SPRYD4: variants seen among roughly 807,000 people sequenced by gnomAD.
SPRYD4 encodes SPRY domain containing 4.
A neutral mutation model predicts 16.6 loss-of-function variants in SPRYD4; 12 were observed. That is an observed-to-expected ratio of 0.72 (90% CI 0.46 to 1.17). The LOEUF is 1.17. SPRYD4 is among the 50% of genes most tolerant of loss of function. SPRYD4 has a pLI of 0.00. For synonymous variants in SPRYD4, 98 were observed against 105.4 expected (o/e 0.93, Z 0.43); for missense variants, 260 against 260.2 (o/e 1.00, Z 0.00).
chr12:56,479,247 C>T lies in SPRYD4; in HGVS notation c.*9670C>T, dbSNP rs527551042. The T allele has an allele frequency of 1.3e-4, 210 of 1,576,500 alleles. 1 individual carries two copies. In the African/African-American group the frequency reaches 2.4e-3, roughly 18 times the overall value. ...GCAGCTGGGACTCACTCTGGAGCCA[C>T]GGAAATTGGGAATAAAGAAGGTTGA... On this transcript the variant is annotated 3_prime_UTR_variant, in exon 2 of 2. Coordinates refer to ENST00000338146, the MANE Select transcript of SPRYD4 (RefSeq NM_207344.4).
In SPRYD4 at chr12:56,476,508, A is replaced by AT. The variant is rs1171599742; in HGVS notation, c.*6934dup. The AT allele has an allele frequency of 6.5e-6, 1 of 153,954 alleles. No individual in the cohort carries two copies. Among genetic ancestry groups the AT allele is most frequent in the Non-Finnish European group, 1.4e-5 (1 of 70,250 alleles). The allele number at this position is 153,954 out of a possible 1,614,324, so 9.5% of individuals were successfully genotyped here. A position where few individuals can be genotyped will look rare whatever the true frequency, so the allele number is the denominator to read the frequency against. ...ATGGTTCATGCCTGTAATCTCAGCA[A>AT]TTTGGGGGGCTGAGGCAGGAGGATC... On this transcript the variant is annotated 3_prime_UTR_variant, in exon 2 of 2. Transcript: ENST00000338146.
Position 56,478,683 on chromosome 12 carries a change from C to A in SPRYD4, c.*9106C>A. 1 of 257,052 alleles carries A rather than the reference C, an allele frequency of 3.9e-6. No individual in the cohort carries two copies. Among genetic ancestry groups the A allele is most frequent in the Non-Finnish European group, 7.6e-6 (1 of 132,260 alleles). The allele number at this position is 257,052 out of a possible 1,614,324, so 15.9% of individuals were successfully genotyped here. The stretch of plus-strand genomic sequence containing the variant: ...ATCTCTCATTCATAGGACTCCCAGC[C>A]CCAGGAAATCTCTGAGAAGCGAGGT... On this transcript the variant is annotated 3_prime_UTR_variant, in exon 2 of 2. Transcript: ENST00000338146.
Position 56,474,502 on chromosome 12 carries a change from C to T in SPRYD4, c.*4925C>T, listed in dbSNP as rs1366801092. ...GAGAGTCAGTGTTCTCTCTTCTTAG[C>T]ACTGGGCTCATGACAGATGGATAGC... On this transcript the variant is annotated 3_prime_UTR_variant, in exon 2 of 2. Coordinates refer to ENST00000338146, the MANE Select transcript of SPRYD4 (RefSeq NM_207344.4). 2 of 1,609,398 alleles carry T rather than the reference C, an allele frequency of 1.2e-6. No homozygotes were observed. Among genetic ancestry groups the T allele is most frequent in the Non-Finnish European group, 1.7e-6 (2 of 1,178,414 alleles).
chr12:56,469,287 G>A lies in SPRYD4; in HGVS notation c.334G>A (p.Asp112Asn). ...IGVADVDMSR[D>N]SCIGVDDRSW... ...AGTGGCAGATGTGGACATGTCCCGG[G>A]ATAGCTGCATTGGTGTTGATGATCG... is the stretch of plus-strand genomic sequence containing the variant. The change falls in exon 2 of 2, where the codon GAT becomes AAT. Residue 112 changes from aspartate to asparagine, a missense_variant. Transcript: ENST00000338146. 1 of 1,614,196 alleles carries A rather than the reference G, an allele frequency of 6.2e-7. No individual in the cohort carries two copies.
rs542102708 is a variant in SPRYD4, at chr12:56,476,310, A to G, written c.*6733A>G. The G allele has an allele frequency of 7.9e-5, 24 of 305,312 alleles. No individual in the cohort carries two copies. Among genetic ancestry groups the G allele is most frequent in the African/African-American group, 5.1e-4 (23 of 45,362 alleles). The allele number at this position is 305,312 out of a possible 1,614,324, so 18.9% of individuals were successfully genotyped here. On this transcript the variant is annotated 3_prime_UTR_variant, in exon 2 of 2. Coordinates refer to ENST00000338146, the MANE Select transcript of SPRYD4 (RefSeq NM_207344.4). ...CCAAGTAGCTCGGATTACAGGCATG[A>G]GCCAGCTTGCTGGGCCATCCCACTT...
In SPRYD4 at chr12:56,473,123, T is replaced by C; in HGVS notation, c.*3546T>C. On this transcript the variant is annotated 3_prime_UTR_variant, in exon 2 of 2. Transcript: ENST00000338146. ...CCAGGATGGTCTTGATCTCCTGACC[T>C]TGTGATCCGCCCGCCTTGGCCTCTC... is the stretch of plus-strand genomic sequence containing the variant. 1 of 1,021,086 alleles carries C rather than the reference T, an allele frequency of 9.8e-7. No individual in the cohort carries two copies. The highest frequency in any genetic ancestry group is 1.5e-6 in the Non-Finnish European group (1 of 671,046). 63.3% of individuals were successfully genotyped at this position (1,021,086 alleles called of 1,614,324 possible). A position where few individuals can be genotyped will look rare whatever the true frequency, so the allele number is the denominator to read the frequency against.
chr12:56,469,112 A>C lies in SPRYD4; in HGVS notation c.159A>C (p.Lys53Asn). ...TCTTCAGAGATGATACGGGTGTCAAATATGGCTTGGTGGGATTGGAGCCCA... is the reference window on the plus strand; with the variant it reads ...TCTTCAGAGATGATACGGGTGTCAACTATGGCTTGGTGGGATTGGAGCCCA... ...LALFRDDTGVKYGLVGLEPTK... is the reference protein window; with the variant it reads ...LALFRDDTGVNYGLVGLEPTK... Residue 53 changes from lysine (K) to asparagine (N), a missense_variant, in exon 2 of 2, where the codon AAA becomes AAC. Physicochemically the swap from Lys to Asn is moderately conservative, Grantham distance 94. Transcript: ENST00000338146. The C allele has an allele frequency of 6.2e-7, 1 of 1,613,416 alleles. No individual in the cohort carries two copies. The highest frequency in any genetic ancestry group is 1.7e-5 in the Admixed American group (1 of 59,924).
chr12:56,471,316 T>C lies in SPRYD4; in HGVS notation c.*1739T>C. Reference sequence around the variant, plus strand: ...AGGCCCTTCTCTGTACTCTGTCTGCTGAGGGAATGGGGTATTTTGACTCCC... The same window carrying C: ...AGGCCCTTCTCTGTACTCTGTCTGCCGAGGGAATGGGGTATTTTGACTCCC... On this transcript the variant is annotated 3_prime_UTR_variant, in exon 2 of 2. Coordinates refer to ENST00000338146, the MANE Select transcript of SPRYD4 (RefSeq NM_207344.4). 1 of 661,608 alleles carries C rather than the reference T, an allele frequency of 1.5e-6. No individual in the cohort carries two copies. The highest frequency in any genetic ancestry group is 1.8e-5 in the African/African-American group (1 of 55,090). The allele number at this position is 661,608 out of a possible 1,614,324, so 41.0% of individuals were successfully genotyped here.
In SPRYD4 at chr12:56,472,221, A is replaced by G. The variant is rs1869346907; in HGVS notation, c.*2644A>G. 39 of 1,605,760 alleles carry G rather than the reference A, an allele frequency of 2.4e-5. No homozygotes were observed. Among genetic ancestry groups the G allele is most frequent in the Non-Finnish European group, 3.2e-5 (37 of 1,172,548 alleles). ...CTGAGGGTAGTGGGAAAGCAGCTAGAGTTGCCTAGATCAGACTGGAATCAC... is the reference window on the plus strand; with the variant it reads ...CTGAGGGTAGTGGGAAAGCAGCTAGGGTTGCCTAGATCAGACTGGAATCAC... On this transcript the variant is annotated 3_prime_UTR_variant, in exon 2 of 2. Transcript: ENST00000338146.
rs891425134 is a variant in SPRYD4 at position 56,471,043 on chromosome 12, G to A, written c.*1466G>A. ...AGTAGCAGCAGCATGTCCTGGCCAA[G>A]GGGAGTAGATTTCTCCAGACTACTA... On this transcript the variant is annotated 3_prime_UTR_variant, in exon 2 of 2. Transcript: ENST00000338146. 1.1e-5 allele frequency: 3 copies of A among 271,956 alleles called. No homozygotes were observed. The highest frequency in any genetic ancestry group is 1.7e-4 in the South Asian group (1 of 5,916). The allele number at this position is 271,956 out of a possible 1,614,324, so 16.8% of individuals were successfully genotyped here. A position where few individuals can be genotyped will look rare whatever the true frequency, so the allele number is the denominator to read the frequency against.
Position 56,472,306 on chromosome 12 carries a change from A to G in SPRYD4, c.*2729A>G. 2.1e-6 allele frequency: 2 copies of G among 938,792 alleles called. No homozygotes were observed. Among genetic ancestry groups the G allele is most frequent in the Non-Finnish European group, 3.4e-6 (2 of 586,428 alleles). 58.2% of individuals were successfully genotyped at this position (938,792 alleles called of 1,614,324 possible). ...AGTTTCAGAGAAAGTGAAACAGCCT[A>G]TAGCCAGATTTGTTGGCTCTGAATA... On this transcript the variant is annotated 3_prime_UTR_variant, in exon 2 of 2. Transcript: ENST00000338146.
In SPRYD4 at chr12:56,472,264, T is replaced by C; in HGVS notation, c.*2687T>C. 1 of 1,401,654 alleles carries C rather than the reference T, an allele frequency of 7.1e-7. No individual in the cohort carries two copies. The highest frequency in any genetic ancestry group is 1.8e-4 in the Middle Eastern group (1 of 5,650). The allele number at this position is 1,401,654 out of a possible 1,614,324, so 86.8% of individuals were successfully genotyped here. A position where few individuals can be genotyped will look rare whatever the true frequency, so the allele number is the denominator to read the frequency against. ...GGAATCACAGGTGTTCTTTGTGAAC[T>C]GGTGTCAGACTGGATGAGTTTCAGA... On this transcript the variant is annotated 3_prime_UTR_variant, in exon 2 of 2. Transcript: ENST00000338146.
In SPRYD4 at chr12:56,473,314, C is replaced by T. The variant is rs1412144348; in HGVS notation, c.*3737C>T. On this transcript the variant is annotated 3_prime_UTR_variant, in exon 2 of 2. Coordinates refer to ENST00000338146, the MANE Select transcript of SPRYD4 (RefSeq NM_207344.4). ...TAGTTGTGGAAATTGAAGAGAGACACCAACTTCTAGAATTGTAAGCCAAAT... is the reference window on the plus strand; with the variant it reads ...TAGTTGTGGAAATTGAAGAGAGACATCAACTTCTAGAATTGTAAGCCAAAT... The T allele has an allele frequency of 6.2e-7, 1 of 1,613,940 alleles. No homozygotes were observed. Among genetic ancestry groups the T allele is most frequent in the African/African-American group, 1.3e-5 (1 of 74,888 alleles).
rs753441234 is a variant in SPRYD4, at chr12:56,469,327, C to T, written c.374C>T (p.Thr125Ile). 8 of 1,614,016 alleles carry T rather than the reference C, an allele frequency of 5.0e-6. No individual in the cohort carries two copies. Among genetic ancestry groups the T allele is most frequent in the Non-Finnish European group, 2.5e-6 (3 of 1,180,006 alleles). Reference protein sequence around the residue: ...IGVDDRSWVFTYAQRKWYTML... With the variant: ...IGVDDRSWVFIYAQRKWYTML... ...GTTGATGATCGTTCCTGGGTGTTCA[C>T]CTATGCCCAGCGCAAGTGGTACACC... Residue 125 changes from threonine to isoleucine, a missense_variant, in exon 2 of 2, where the codon ACC becomes ATC. Coordinates refer to ENST00000338146, the MANE Select transcript of SPRYD4 (RefSeq NM_207344.4).
chr12:56,468,707 C>T (rs1333230747), intron 1 of SPRYD4, 31 bp downstream of exon 1: 31 of 1,596,442 alleles, frequency 1.9e-5, no homozygotes, highest in Non-Finnish European at 2.7e-5. Context: ...TCTTTTACCT[C>T]CAGAATGGCT....
rs1175765859 is a variant in SPRYD4, at chr12:56,479,364, G to C, written c.*9787G>C. On this transcript the variant is annotated 3_prime_UTR_variant, in exon 2 of 2. Coordinates refer to ENST00000338146, the MANE Select transcript of SPRYD4 (RefSeq NM_207344.4). ...TAGTTTCCGTACCTCTAAAATGAGG[G>C]GTTTTAATGATGTGGAAAGACACTA... is the stretch of plus-strand genomic sequence containing the variant. 3.1e-6 allele frequency: 2 copies of C among 640,652 alleles called. No individual in the cohort carries two copies. Among genetic ancestry groups the C allele is most frequent in the Non-Finnish European group, 5.0e-6 (2 of 400,250 alleles). 39.7% of individuals were successfully genotyped at this position (640,652 alleles called of 1,614,324 possible). A position where few individuals can be genotyped will look rare whatever the true frequency, so the allele number is the denominator to read the frequency against.
chr12:56,471,448 C>T lies in SPRYD4; in HGVS notation c.*1871C>T, dbSNP rs1250630935. The T allele has an allele frequency of 1.3e-6, 2 of 1,579,176 alleles. No individual in the cohort carries two copies. Among genetic ancestry groups the T allele is most frequent in the Non-Finnish European group, 1.7e-6 (2 of 1,163,122 alleles). On this transcript the variant is annotated 3_prime_UTR_variant, in exon 2 of 2. Coordinates refer to ENST00000338146, the MANE Select transcript of SPRYD4 (RefSeq NM_207344.4). Reference sequence around the variant, plus strand: ...TTATGGATTACATGTGTGGCCAGCTCATGCTTTTTCTTGAGCAGGGGCTGT... The same window carrying T: ...TTATGGATTACATGTGTGGCCAGCTTATGCTTTTTCTTGAGCAGGGGCTGT...
Position 56,477,758 on chromosome 12 carries a change from C to G in SPRYD4, c.*8181C>G. On this transcript the variant is annotated 3_prime_UTR_variant, in exon 2 of 2. Coordinates refer to ENST00000338146, the MANE Select transcript of SPRYD4 (RefSeq NM_207344.4). ...ACCACCAAGAGTCTTAGCCACTGAA[C>G]AAAGCCTCCCTGACAGCCCGCTCAC... is the stretch of plus-strand genomic sequence containing the variant. 1.3e-6 allele frequency: 2 copies of G among 1,591,254 alleles called. No homozygotes were observed. Among genetic ancestry groups the G allele is most frequent in the Non-Finnish European group, 8.6e-7 (1 of 1,166,606 alleles).
chr12:56,472,383 G>T lies in SPRYD4; in HGVS notation c.*2806G>T. 1.6e-6 allele frequency: 1 copy of T among 615,840 alleles called. No homozygotes were observed. The highest frequency in any genetic ancestry group is 2.8e-6 in the Non-Finnish European group (1 of 351,018). 38.1% of individuals were successfully genotyped at this position (615,840 alleles called of 1,614,324 possible). The stretch of plus-strand genomic sequence containing the variant: ...TGTTATACTCATATTAGAGAGATGG[G>T]AATGTGATCCTTCCAGAAATATCAC... On this transcript the variant is annotated 3_prime_UTR_variant, in exon 2 of 2. Coordinates refer to ENST00000338146, the MANE Select transcript of SPRYD4 (RefSeq NM_207344.4).
Sources: allele counts gnomAD v4.1 joint callset, GRCh38; gene constraint gnomAD v4.1.1; transcripts MANE v1.5; gene names NCBI Gene and HGNC (gene_info 2026-07-23, HGNC 2026-07-21).